ZBTB11: variants seen among roughly 807,000 people sequenced by gnomAD.
ZBTB11 encodes the protein zinc finger and BTB domain-containing protein 11.
A neutral mutation model predicts 113.1 loss-of-function variants in ZBTB11; 68 were observed. The ratio of observed to expected loss-of-function variants is 0.60; its 90% CI spans 0.49 to 0.74. ZBTB11 has a LOEUF of 0.74. Ranked by LOEUF, ZBTB11 falls within the 30% of genes least tolerant of loss-of-function variation. The pLI, the probability that ZBTB11 is intolerant of heterozygous loss-of-function variation, is 0.00. For synonymous variants in ZBTB11, 518 were observed against 452.6 expected (o/e 1.14, Z -1.83); for missense variants, 1,104 against 1,279.4 (o/e 0.86, Z 2.09).
At chr3:101,669,903 A>T (rs1358486161) in intron 3 of ZBTB11, among the ~76,000 whole-genome samples, 1 of 150,414 alleles carries the variant, frequency 6.6e-6, no homozygotes, top group Non-Finnish European at 1.5e-5. Flanking sequence ...ATCTCAGCTC[A>T]CCGCAACGTC....
At chr3:101,673,330 T>A (rs1937111579) in intron 1 of ZBTB11, among the ~76,000 whole-genome samples, 2 of 152,082 alleles carry the variant, frequency 1.3e-5, no homozygotes, top group African/African-American at 2.4e-5. Flanking sequence ...CCTCCAGAAG[T>A]CATGGGATTT....
chr3:101,665,134 C>T lies in ZBTB11; in HGVS notation c.1453G>A (p.Glu485Lys), dbSNP rs775380408. 2 of 1,614,136 alleles carry T rather than the reference C, an allele frequency of 1.2e-6. No individual in the cohort carries two copies. The highest frequency in any genetic ancestry group is 1.7e-6 in the Non-Finnish European group (2 of 1,180,034). ...TTTGCTGTTGATGCAACTAGATTTT[C>T]CTGATCTTTTAAAGGTTGGTCAACT... ...QKVDQPLKDQ[E>K]NLVASTAKTD... Residue 485 changes from glutamate (E) to lysine (K), a missense_variant, in exon 4 of 11, where the codon GAA becomes AAA. Physicochemically the swap from Glu to Lys is moderately conservative, Grantham distance 56. Coordinates refer to ENST00000312938, the MANE Select transcript of ZBTB11 (RefSeq NM_014415.4).
At chr3:101,671,906 A>G (rs148952402) in intron 2 of ZBTB11, 72 bp downstream of exon 2, 9 of 1,235,968 alleles carry the variant, frequency 7.3e-6, no homozygotes, top group Non-Finnish European at 4.8e-6. Context: ...TTTGAGAAAA[A>G]TAAGTCACCA....
rs181094969 is a variant in ZBTB11 at position 101,654,244 on chromosome 3, T to C, written c.2309+460A>G. 4.4e-3 allele frequency among the ~76,000 whole-genome samples: 665 copies of C among 152,316 alleles called. 25 individuals carry two copies. The highest frequency in any genetic ancestry group is 0.039 in the Admixed American group (597 of 15,286). ...TTAGTAGAGATGGGGTTTTGCCACG[T>C]TGGCCAGGCTGGTCTCGAACTTCTG... On this transcript the variant is annotated intron_variant, in intron 8 of 10. Coordinates refer to ENST00000312938, the MANE Select transcript of ZBTB11 (RefSeq NM_014415.4).
chr3:101,676,825 C>CTT lies in ZBTB11; in HGVS notation c.88_89dup (p.Arg31SerfsTer77). ...AGGCGGCAGCTTTTCGGATTTTACG[C>CTT]TTGACATTGCCCTCGGTGCCCGGCG... On this transcript the variant is annotated frameshift_variant, in exon 1 of 11. Coordinates refer to ENST00000312938, the MANE Select transcript of ZBTB11 (RefSeq NM_014415.4). LOFTEE classifies it high-confidence loss of function. 3.7e-6 allele frequency: 6 copies of CTT among 1,612,702 alleles called. No homozygotes were observed. Among genetic ancestry groups the CTT allele is most frequent in the Non-Finnish European group, 5.1e-6 (6 of 1,179,660 alleles).
At position 101,673,544 on chromosome 3, in the gene ZBTB11, C is replaced by CTT. The variant is rs900289486; in HGVS notation, c.311-1332_311-1331insAA. On this transcript the variant is annotated intron_variant, in intron 1 of 10. Coordinates refer to ENST00000312938, the MANE Select transcript of ZBTB11 (RefSeq NM_014415.4). ...CTTTTTTTTTTTTGAAATGGAGTCT[C>CTT]TCTCTGTTGCCCAGGCTGGAGTGCA... Among the ~76,000 whole-genome samples, 17 of 150,652 alleles carry CTT rather than the reference C, an allele frequency of 1.1e-4. No individual in the cohort carries two copies. The East Asian group carries it at 3.3e-3, about 29-fold the overall frequency.
At position 101,665,124 on chromosome 3, in the gene ZBTB11, A is replaced by G. The variant is rs769549072; in HGVS notation, c.1463T>C (p.Val488Ala). The change falls in exon 4 of 11, where the codon GTT becomes GCT. Residue 488 changes from valine to alanine, a missense_variant. This residue lies in a region of ZBTB11 where 535 missense variants were observed against 518.6 expected (regional missense o/e 1.03). Transcript: ENST00000312938. ...AAAGTCTGTCTTTGCTGTTGATGCA[A>G]CTAGATTTTCCTGATCTTTTAAAGG... Reference protein sequence around the residue: ...DQPLKDQENLVASTAKTDFGP... With the variant: ...DQPLKDQENLAASTAKTDFGP... 1.2e-6 allele frequency: 2 copies of G among 1,614,140 alleles called. No individual in the cohort carries two copies. The highest frequency in any genetic ancestry group is 1.7e-6 in the Non-Finnish European group (2 of 1,180,036).
At chr3:101,656,390 A>C in intron 6 of ZBTB11, 142 bp from the exon 7 acceptor site, 1 of 467,082 alleles carries the variant, frequency 2.1e-6, no homozygotes, top group African/African-American at 2.1e-5. Context: ...GACAAAGTGA[A>C]AGTTGAAACC....
intron 5 of ZBTB11, among the ~76,000 whole-genome samples, chr3:101,663,555 A>C (rs1231277657): frequency 6.6e-6 from 1 of 152,056 alleles, no homozygotes; most frequent in East Asian, 1.9e-4. Context: ...TTCATCTCTG[A>C]GATGGTGGGG....
intron 8 of ZBTB11, 31 bp from the exon 9 acceptor site, chr3:101,652,969 A>T (rs1262200686): frequency 6.3e-7 from 1 of 1,576,840 alleles, no homozygotes. Flanking sequence ...CCAATTGGAT[A>T]ATCTTATTCC....
At chr3:101,672,597 T>TCC (rs1937101288) in intron 1 of ZBTB11, among the ~76,000 whole-genome samples, 1 of 152,220 alleles carries the variant, frequency 6.6e-6, no homozygotes, top group Non-Finnish European at 1.5e-5. Context: ...ACGCCTGTAA[T>TCC]CCCAGCTACT....
chr3:101,676,455 C>T (rs1576655436), intron 1 of ZBTB11, 150 bp downstream of exon 1: 1 of 802,164 alleles, frequency 1.2e-6, no homozygotes, highest in Non-Finnish European at 1.8e-6. Flanking sequence ...CCTTTCGCGT[C>T]CCCCACCCTC....
At position 101,651,225 on chromosome 3, in the gene ZBTB11, C is replaced by T. The variant is rs1559980678; in HGVS notation, c.3103G>A (p.Val1035Ile). 3.1e-6 allele frequency: 5 copies of T among 1,611,788 alleles called. No individual in the cohort carries two copies. Among genetic ancestry groups the T allele is most frequent in the East Asian group, 2.2e-5 (1 of 44,898 alleles). The stretch of plus-strand genomic sequence containing the variant: ...TTAACAGTTTGAATAGCTTCTGCAA[C>T]TTCAGATAGCTTCTGTCCTTGCTGT... ...AQQQGQKLSE[V>I]AEAIQTVKVE... The change falls in exon 11 of 11, where the codon GTT becomes ATT. Residue 1035 changes from valine (V) to isoleucine (I), a missense_variant. By Grantham distance (29) the Val-to-Ile change is conservative. Transcript: ENST00000312938.
intron 3 of ZBTB11, 71 bp downstream of exon 3, chr3:101,671,059 G>T: frequency 1.5e-6 from 2 of 1,291,462 alleles, no homozygotes; most frequent in Non-Finnish European, 2.2e-6. Flanking sequence ...TCCGTGTGTG[G>T]AAGACATACA....
chr3:101,675,218 T>C (rs554796304), intron 1 of ZBTB11, among the ~76,000 whole-genome samples: 55 of 152,364 alleles, frequency 3.6e-4, no homozygotes, highest in Admixed American at 8.5e-4. Context: ...TCTGAGACAT[T>C]TGTTCAACAA....
Position 101,656,109 on chromosome 3 carries a change from T to C in ZBTB11, c.2186A>G (p.His729Arg). Residue 729 changes from histidine to arginine, a missense_variant, in exon 7 of 11, where the codon CAC becomes CGC. Coordinates refer to ENST00000312938, the MANE Select transcript of ZBTB11 (RefSeq NM_014415.4). ...CAATATAAATTTCTCATTACCTGTG[T>C]GAATACTCATATGTTCTTGAAGACT... is the stretch of plus-strand genomic sequence containing the variant. ...KRSLQEHMSI[H>R]TGESKYLCSV... 6.4e-7 allele frequency: 1 copy of C among 1,551,764 alleles called. No individual in the cohort carries two copies. Among genetic ancestry groups the C allele is most frequent in the Non-Finnish European group, 8.7e-7 (1 of 1,151,354 alleles).
At chr3:101,660,897 G>A (rs1280665272) in intron 5 of ZBTB11, among the ~76,000 whole-genome samples, 2 of 152,022 alleles carry the variant, frequency 1.3e-5, no homozygotes, top group African/African-American at 4.8e-5. Context: ...GTACTGGGAG[G>A]AGATTTAAAA....
In ZBTB11 at chr3:101,655,818, G is replaced by A. The variant is rs369717949; in HGVS notation, c.2191+286C>T. On this transcript the variant is annotated intron_variant, in intron 7 of 10. Coordinates refer to ENST00000312938, the MANE Select transcript of ZBTB11 (RefSeq NM_014415.4). ...TAGGACTACAGGCGCCTGCCACCAT[G>A]CCCGGCTAATGTTTTGTCTTTTTAG... The A allele has an allele frequency of 1.7e-4, 26 of 157,298 alleles. No individual in the cohort carries two copies. The South Asian group carries it at 4.7e-3, about 29-fold the overall frequency. 9.7% of individuals were successfully genotyped at this position (157,298 alleles called of 1,614,324 possible).
intron 3 of ZBTB11, among the ~76,000 whole-genome samples, chr3:101,666,721 C>T (rs943130598): frequency 6.6e-6 from 1 of 152,048 alleles, no homozygotes; most frequent in African/African-American, 2.4e-5. Context: ...TTTCATTATA[C>T]AGCCAAGCCA....
Sources: gnomAD v4.1 joint callset for allele counts (sites outside exome capture counted in the v4.1 genomes callset) on GRCh38, gnomAD v4.1.1 for gene constraint, gnomAD v4.1.1 regional missense constraint, MANE v1.5 for transcripts, NCBI Gene and HGNC (gene_info 2026-07-23, HGNC 2026-07-21) for gene names.